The following MGAT5 variants were observed in gnomAD, a reference collection of about 807,000 sequenced individuals.
The protein encoded by MGAT5 is alpha-1,6-mannosylglycoprotein 6-beta-N-acetylglucosaminyltransferase A.
Under a neutral mutation model 94.3 loss-of-function variants are expected in MGAT5, and 30 were observed. The observed-to-expected ratio is 0.32, with a 90% CI of 0.24 to 0.43. The LOEUF is 0.43. Among genes scored for constraint, MGAT5 ranks in the 20% least tolerant of loss-of-function variants. The pLI, the probability that MGAT5 is intolerant of heterozygous loss-of-function variation, is 1.00. For synonymous variants in MGAT5, 310 were observed against 322.9 expected (o/e 0.96, Z 0.43); for missense variants, 691 against 905.5 (o/e 0.76, Z 3.04).
intron 2 of MGAT5, among the ~76,000 whole-genome samples, chr2:134,271,050 G>A (rs1573663969): frequency 6.6e-6 from 1 of 152,132 alleles, no homozygotes; most frequent in East Asian, 1.9e-4. Context: ...CTGCCTAGTC[G>A]TAGGCAGATT....
chr2:134,439,691 C>T (rs1040959180), intron 14 of MGAT5, among the ~76,000 whole-genome samples: 8 of 151,804 alleles, frequency 5.3e-5, no homozygotes, highest in African/African-American at 9.7e-5. Flanking sequence ...AACAAGACTT[C>T]GTCTCAAAAA....
At chr2:134,189,775 T>C (rs1056483163) in intron 1 of MGAT5, among the ~76,000 whole-genome samples, 9 of 151,792 alleles carry the variant, frequency 5.9e-5, no homozygotes, top group African/African-American at 1.9e-4. Context: ...CTAATTTTTA[T>C]ATTTTTACTA....
intron 1 of MGAT5, among the ~76,000 whole-genome samples, chr2:134,244,122 T>C (rs985450122): frequency 3.9e-5 from 6 of 152,126 alleles, no homozygotes; most frequent in African/African-American, 1.4e-4. Flanking sequence ...CCTTTGAGAG[T>C]GGAAGCAAAT....
chr2:134,351,486 T>C lies in MGAT5; in HGVS notation c.1246+1548T>C, dbSNP rs140683357. On this transcript the variant is annotated intron_variant, in intron 9 of 15. Transcript: ENST00000281923. ...GGGAGTAGAGAAGAGAGGTTTCTTTTTTCCTAGAAAACATAAAGTTCTATT... is the reference window on the plus strand; with the variant it reads ...GGGAGTAGAGAAGAGAGGTTTCTTTCTTCCTAGAAAACATAAAGTTCTATT... Among the ~76,000 whole-genome samples the C allele has an allele frequency of 4.1e-3, 623 of 152,262 alleles. 4 individuals are homozygous for C. The highest frequency in any genetic ancestry group is 0.015 in the African/African-American group (604 of 41,540).
At chr2:134,237,121 A>ATATGTG (rs1553499196) in intron 1 of MGAT5, among the ~76,000 whole-genome samples, 16 of 122,788 alleles carry the variant, frequency 1.3e-4, no homozygotes, top group South Asian at 9.4e-4. Flanking sequence ...TAGAAGGAGT[A>ATATGTG]TATGTGTGTG....
chr2:134,135,186 T>TA (rs1686347697), intron 1 of MGAT5, among the ~76,000 whole-genome samples: 1 of 152,194 alleles, frequency 6.6e-6, no homozygotes, highest in South Asian at 2.1e-4. Flanking sequence ...CTTAGGACAT[T>TA]AAATGTATAT....
chr2:134,292,486 G>A (rs1387399401), intron 2 of MGAT5, among the ~76,000 whole-genome samples: 2 of 152,116 alleles, frequency 1.3e-5, no homozygotes, highest in East Asian at 1.9e-4. Context: ...TTCTGTTGCC[G>A]GGTCTGCTGC....
At chr2:134,208,375 A>G (rs1192106507) in intron 1 of MGAT5, among the ~76,000 whole-genome samples, 1 of 152,218 alleles carries the variant, frequency 6.6e-6, no homozygotes, top group African/African-American at 2.4e-5. Flanking sequence ...GCTACGGTGT[A>G]AATGTACCAC....
chr2:134,161,354 T>C (rs1162636187), intron 1 of MGAT5, among the ~76,000 whole-genome samples: 1 of 152,210 alleles, frequency 6.6e-6, no homozygotes, highest in Non-Finnish European at 1.5e-5. Flanking sequence ...AGTGAAGTCA[T>C]TTTTCAGCTT....
At chr2:134,122,420 T>G (rs1391336823) in intron 1 of MGAT5, among the ~76,000 whole-genome samples, 1 of 152,232 alleles carries the variant, frequency 6.6e-6, no homozygotes, top group Non-Finnish European at 1.5e-5. Context: ...AAAGCTCTCC[T>G]TTCTAGAGAG....
intron 14 of MGAT5, 62 bp from the exon 15 acceptor site, chr2:134,441,696 A>G (rs1685494282): frequency 6.4e-7 from 1 of 1,555,306 alleles, no homozygotes; most frequent in African/African-American, 1.4e-5. Flanking sequence ...GGTGGTTGGC[A>G]GGGCTGGGGA....
intron 7 of MGAT5, among the ~76,000 whole-genome samples, chr2:134,343,673 G>T (rs1688756881): frequency 6.6e-6 from 1 of 152,160 alleles, no homozygotes; most frequent in Non-Finnish European, 1.5e-5. Flanking sequence ...ATGCCTCCAG[G>T]TAATTTCATT....
chr2:134,348,262 C>A (rs1689032832), intron 8 of MGAT5, among the ~76,000 whole-genome samples: 2 of 152,144 alleles, frequency 1.3e-5, no homozygotes, highest in Non-Finnish European at 2.9e-5. Flanking sequence ...TATTTCTGCC[C>A]ACCTATCGGC....
intron 10 of MGAT5, among the ~76,000 whole-genome samples, chr2:134,370,197 A>G (rs554862558): frequency 2.8e-4 from 43 of 152,340 alleles, no homozygotes; most frequent in African/African-American, 9.9e-4. Context: ...CTCTTAGCTC[A>G]TTGTTTTAAT....
At chr2:134,228,576 C>T (rs765492351) in intron 1 of MGAT5, among the ~76,000 whole-genome samples, 2 of 152,178 alleles carry the variant, frequency 1.3e-5, no homozygotes, top group African/African-American at 2.4e-5. Context: ...TTTTCCTTTG[C>T]AGCTGGTACA....
rs373377770 is a variant in MGAT5 at position 134,145,214 on chromosome 2, C to CTCTCTCTGTGTGTGTGTGTG, written c.-143+24924_-143+24925insCTCTCTGTGTGTGTGTGTGT. On this transcript the variant is annotated intron_variant, in intron 1 of 16. Coordinates refer to the MGAT5 transcript ENST00000409645. ...GTAAGGTGTGTGTGTGTCTCTCTCT[C>CTCTCTCTGTGTGTGTGTGTG]TGTGTGTGTGTGTGTGTGTGTGTGT... 2.2e-3 allele frequency among the ~76,000 whole-genome samples: 313 copies of CTCTCTCTGTGTGTGTGTGTG among 143,866 alleles called. 2 individuals are homozygous for CTCTCTCTGTGTGTGTGTGTG. Among genetic ancestry groups the CTCTCTCTGTGTGTGTGTGTG allele is most frequent in the African/African-American group, 7.5e-3 (290 of 38,572 alleles). The allele number at this position is 143,866 out of a possible 152,430, so 94.4% of individuals were successfully genotyped here. A position where few individuals can be genotyped will look rare whatever the true frequency, so the allele number is the denominator to read the frequency against.
At chr2:134,296,015 T>A (rs558895365) in intron 2 of MGAT5, among the ~76,000 whole-genome samples, 5 of 152,186 alleles carry the variant, frequency 3.3e-5, no homozygotes, top group Admixed American at 3.3e-4. Flanking sequence ...TAGGAGTGTT[T>A]GGCAGCCTCA....
At chr2:134,225,106 G>T (rs967527982) in intron 1 of MGAT5, among the ~76,000 whole-genome samples, 1 of 150,542 alleles carries the variant, frequency 6.6e-6, no homozygotes, top group Non-Finnish European at 1.5e-5. Flanking sequence ...AAAAAAATGC[G>T]GTGGAAATCG....
intron 1 of MGAT5, among the ~76,000 whole-genome samples, chr2:134,225,122 G>A (rs1331774600): frequency 6.6e-6 from 1 of 150,750 alleles, no homozygotes; most frequent in African/African-American, 2.4e-5. Context: ...AATCGGGGGG[G>A]AATTTCCAAT....
Sources: allele counts gnomAD v4.1 joint callset (sites outside exome capture counted in the v4.1 genomes callset), GRCh38; gene constraint gnomAD v4.1.1; transcripts MANE v1.5; gene names NCBI Gene and HGNC (gene_info 2026-07-23, HGNC 2026-07-21).